ADAMTS16: variants seen among roughly 807,000 people sequenced by gnomAD.
ADAMTS16 encodes the protein A disintegrin and metalloproteinase with thrombospondin motifs 16.
Under a neutral mutation model 145.8 loss-of-function variants are expected in ADAMTS16, and 94 were observed. That is an observed-to-expected ratio of 0.64 (90% CI 0.55 to 0.77). ADAMTS16 has a LOEUF of 0.77. Among genes scored for constraint, ADAMTS16 ranks in the 30% least tolerant of loss-of-function variants. The probability of loss-of-function intolerance (pLI) is 0.00; values close to 1 mark genes in which losing one functional copy is unlikely to be tolerated. For missense variants in ADAMTS16, 1,585 were observed against 1,591.5 expected, an observed-to-expected ratio of 1.00 and a Z score of 0.07; for synonymous variants, 659 against 604.3, an observed-to-expected ratio of 1.09 and a Z score of -1.33.
rs1227349201 is a variant in ADAMTS16, at chr5:5,242,188, G to A, written c.2659G>A (p.Gly887Arg). The change falls in exon 17 of 23, where the codon GGG becomes AGG. Residue 887 changes from glycine (G) to arginine (R), a missense_variant. Around this residue, in one of 3 missense-constraint regions of ADAMTS16, gnomAD observed 834 missense variants for 811.7 expected, o/e 1.03. Coordinates refer to ENST00000274181, the MANE Select transcript of ADAMTS16 (RefSeq NM_139056.4). ...VRSECSVSCG[G>R]GQMTVREGCY... The stretch of plus-strand genomic sequence containing the variant: ...CTCTGAGTGCTCCGTGTCCTGCGGA[G>A]GGGGTAGGTGCCTTCCAGTGCTGCT... 6.2e-7 allele frequency: 1 copy of A among 1,613,642 alleles called. No homozygotes were observed. Among genetic ancestry groups the A allele is most frequent in the African/African-American group, 1.3e-5 (1 of 74,922 alleles).
chr5:5,210,880 C>G (rs1298703263), intron 10 of ADAMTS16, among the ~76,000 whole-genome samples: 1 of 152,070 alleles, frequency 6.6e-6, no homozygotes, highest in Non-Finnish European at 1.5e-5. Flanking sequence ...TTTGATTGAT[C>G]TTTAGTTTTT....
chr5:5,277,129 T>C (rs139630642), intron 18 of ADAMTS16, among the ~76,000 whole-genome samples: 4 of 152,304 alleles, frequency 2.6e-5, no homozygotes, highest in East Asian at 3.9e-4. Context: ...CAGAGTTGGA[T>C]TGAAATCTCC....
Position 5,209,147 on chromosome 5 carries a change from G to A in ADAMTS16, c.1506G>A (p.Lys502=). ...AGCCAAAGCCTGTGAAGGAATACAA[G>A]TATCCTGAGAAATTGCCAGGAGAAT... ...ADQPKPVKEY[K]YPEKLPGELY... is the part of the protein sequence containing the mutation. The change falls in exon 10 of 23, where the codon AAG becomes AAA. Residue 502 remains lysine (K), a synonymous_variant. Transcript: ENST00000274181. The A allele has an allele frequency of 6.2e-7, 1 of 1,614,016 alleles. No homozygotes were observed. Among genetic ancestry groups the A allele is most frequent in the East Asian group, 2.2e-5 (1 of 44,866 alleles).
chr5:5,283,977 C>T (rs1278147739), intron 18 of ADAMTS16, among the ~76,000 whole-genome samples: 3 of 152,124 alleles, frequency 2.0e-5, no homozygotes, highest in Non-Finnish European at 4.4e-5. Context: ...TTGTGTGTTA[C>T]CTTTCAAAAG....
At chr5:5,145,102 T>TTA (rs1734259748) in intron 2 of ADAMTS16, among the ~76,000 whole-genome samples, 1 of 152,206 alleles carries the variant, frequency 6.6e-6, no homozygotes, top group Non-Finnish European at 1.5e-5. Context: ...AGCCTACCAC[T>TTA]TATATATATG....
intron 18 of ADAMTS16, among the ~76,000 whole-genome samples, chr5:5,283,178 T>C (rs1738985813): frequency 6.6e-6 from 1 of 152,200 alleles, no homozygotes; most frequent in Non-Finnish European, 1.5e-5. Flanking sequence ...TACTACAATG[T>C]ATTTTTTCCT....
At chr5:5,170,954 GT>G in intron 3 of ADAMTS16, among the ~76,000 whole-genome samples, 1 of 152,076 alleles carries the variant, frequency 6.6e-6, no homozygotes, top group African/African-American at 2.4e-5. Context: ...GTTCTGGAGA[GT>G]TTTTCTAATG....
chr5:5,165,737 G>A (rs866793383), intron 3 of ADAMTS16, among the ~76,000 whole-genome samples: 10 of 152,218 alleles, frequency 6.6e-5, no homozygotes, highest in African/African-American at 2.4e-4. Flanking sequence ...TGTGGCCAGA[G>A]GGAATGGAGC....
chr5:5,175,099 G>A (rs914855985), intron 3 of ADAMTS16, among the ~76,000 whole-genome samples: 1 of 152,176 alleles, frequency 6.6e-6, no homozygotes, highest in African/African-American at 2.4e-5. Context: ...ATCACAACTG[G>A]AAATGTGCTA....
intron 18 of ADAMTS16, among the ~76,000 whole-genome samples, chr5:5,264,916 C>G (rs1026172450): frequency 2.6e-5 from 4 of 152,232 alleles, no homozygotes; most frequent in Non-Finnish European, 5.9e-5. Context: ...TGGCCCTCAC[C>G]TGTCCCTGAG....
chr5:5,262,696 A>G lies in ADAMTS16; in HGVS notation c.2702A>G (p.Lys901Arg). 6.2e-7 allele frequency: 1 copy of G among 1,614,232 alleles called. No homozygotes were observed. Among genetic ancestry groups the G allele is most frequent in the Non-Finnish European group, 8.5e-7 (1 of 1,180,026 alleles). ...AGAGAGGGCTGCTACAGAGACCTGA[A>G]GTTTCAAGTAAATATGTCCTTCTGC... ...TVREGCYRDL[K>R]FQVNMSFCNP... The change falls in exon 18 of 23, where the codon AAG becomes AGG. Residue 901 changes from lysine to arginine, a missense_variant. Physicochemically the swap from Lys to Arg is conservative, Grantham distance 26. Around this residue, in one of 3 missense-constraint regions of ADAMTS16, gnomAD observed 834 missense variants for 811.7 expected, o/e 1.03. Coordinates refer to ENST00000274181, the MANE Select transcript of ADAMTS16 (RefSeq NM_139056.4).
intron 10 of ADAMTS16, among the ~76,000 whole-genome samples, chr5:5,221,241 G>A (rs940045216): frequency 6.6e-6 from 1 of 152,090 alleles, no homozygotes; most frequent in Admixed American, 6.5e-5. Flanking sequence ...GGTTCCTTGG[G>A]TTCTGCATAC....
At chr5:5,271,635 C>T (rs1243935134) in intron 18 of ADAMTS16, among the ~76,000 whole-genome samples, 6 of 152,210 alleles carry the variant, frequency 3.9e-5, no homozygotes, top group Non-Finnish European at 7.3e-5. Context: ...TCTTAACTCT[C>T]GTTTTCTAAG....
intron 21 of ADAMTS16, among the ~76,000 whole-genome samples, chr5:5,308,691 G>C (rs1740287601): frequency 6.6e-6 from 1 of 152,196 alleles, no homozygotes; most frequent in African/African-American, 2.4e-5. Context: ...TAGGATCCCT[G>C]TAATCCCAGC....
rs1042167550 is a variant in ADAMTS16, at chr5:5,242,127, C to G, written c.2598C>G (p.Pro866=). 1 of 1,614,196 alleles carries G rather than the reference C, an allele frequency of 6.2e-7. No individual in the cohort carries two copies. Among genetic ancestry groups the G allele is most frequent in the Non-Finnish European group, 8.5e-7 (1 of 1,180,036 alleles). The part of the protein sequence containing the change: ...SMPRLGTEKQ[P]PAQPSYTWAI... Reference sequence around the variant, plus strand: ...CTCGCTTGGGGACCGAGAAGCAGCCCCCTGCCCAGCCCAGCTACACTTGGG... The same window carrying G: ...CTCGCTTGGGGACCGAGAAGCAGCCGCCTGCCCAGCCCAGCTACACTTGGG... Residue 866 remains proline, a synonymous_variant, in exon 17 of 23, where the codon CCC becomes CCG. Transcript: ENST00000274181.
At position 5,239,272 on chromosome 5, in the gene ADAMTS16, A is replaced by G; in HGVS notation, c.2276A>G (p.Asn759Ser). 1.9e-6 allele frequency: 3 copies of G among 1,557,912 alleles called. No individual in the cohort carries two copies. Among genetic ancestry groups the G allele is most frequent in the Middle Eastern group, 1.7e-4 (1 of 5,790 alleles). Residue 759 changes from asparagine to serine, a missense_variant and splice_region_variant, in exon 15 of 23, where the codon AAC (asparagine) becomes AGC (serine). This residue lies in a region of ADAMTS16 where 834 missense variants were observed against 811.7 expected (regional missense o/e 1.03). Transcript: ENST00000274181. ...RGLYTKHHHT[N>S]QYYHMVTIPS... ...CTCTACACCAAGCACCACCACACCA[A>G]CCGTGAGTACTTTAGAGCTGCCTGC...
intron 3 of ADAMTS16, among the ~76,000 whole-genome samples, chr5:5,175,204 C>G (rs1735153560): frequency 6.6e-6 from 1 of 152,156 alleles, no homozygotes; most frequent in Admixed American, 6.5e-5. Context: ...GGCCCCAGGG[C>G]TCTCTACTCA....
At chr5:5,170,526 G>A (rs1269157823) in intron 3 of ADAMTS16, among the ~76,000 whole-genome samples, 1 of 151,976 alleles carries the variant, frequency 6.6e-6, no homozygotes, top group Non-Finnish European at 1.5e-5. Context: ...TTACAGGCAT[G>A]CGCCATCATA....
At chr5:5,289,842 A>G (rs1739234751) in intron 18 of ADAMTS16, among the ~76,000 whole-genome samples, 1 of 152,218 alleles carries the variant, frequency 6.6e-6, no homozygotes, top group African/African-American at 2.4e-5. Flanking sequence ...GCCCTTTAAT[A>G]AGATACTTGC....
Sources: gnomAD v4.1 joint callset for allele counts (sites outside exome capture counted in the v4.1 genomes callset) on GRCh38, gnomAD v4.1.1 for gene constraint, gnomAD v4.1.1 regional missense constraint, MANE v1.5 for transcripts, NCBI Gene and HGNC (gene_info 2026-07-23, HGNC 2026-07-21) for gene names.